The following CDH22 variants were observed in gnomAD, a reference collection of about 807,000 sequenced individuals.
CDH22 encodes cadherin-22.
In CDH22, 30 loss-of-function variants were observed where a neutral mutation model predicts 58.4. The ratio of observed to expected loss-of-function variants is 0.51; its 90% confidence interval spans 0.38 to 0.70. The LOEUF is 0.70. Among genes scored for constraint, CDH22 ranks in the 30% least tolerant of loss-of-function variants. The pLI is 0.00. For missense variants in CDH22, 1,014 were observed against 1,233.9 expected, an observed-to-expected ratio of 0.82 and a Z score of 2.67; for synonymous variants, 513 against 558.2, an observed-to-expected ratio of 0.92 and a Z score of 1.14.
intron 7 of CDH22, among the ~76,000 whole-genome samples, chr20:46,200,808 G>A (rs1157471777): frequency 1.3e-5 from 2 of 152,164 alleles, no homozygotes; most frequent in Non-Finnish European, 2.9e-5. Flanking sequence ...GGGAGCCAAC[G>A]GGGAATTTTG....
intron 2 of CDH22, among the ~76,000 whole-genome samples, chr20:46,245,455 T>A (rs1434930518): frequency 6.6e-6 from 1 of 152,198 alleles, no homozygotes; most frequent in Non-Finnish European, 1.5e-5. Flanking sequence ...GGTTTGTCTC[T>A]GTCAGAACTC....
intron 1 of CDH22, among the ~76,000 whole-genome samples, chr20:46,286,260 T>G (rs2086576400): frequency 6.6e-6 from 1 of 152,094 alleles, no homozygotes; most frequent in Non-Finnish European, 1.5e-5. Context: ...TCAAGCTGGA[T>G]TTGAACCCAG....
At chr20:46,248,392 G>T (rs140148467) in intron 2 of CDH22, among the ~76,000 whole-genome samples, 2,036 of 152,322 alleles carry the variant, frequency 0.013, 23 homozygotes, top group Middle Eastern at 0.034. Flanking sequence ...TGACATTTAG[G>T]CAGATGCATC....
chr20:46,268,086 G>T (rs191959967), intron 1 of CDH22, among the ~76,000 whole-genome samples: 5 of 152,258 alleles, frequency 3.3e-5, no homozygotes, highest in African/African-American at 7.2e-5. Context: ...CCCCTCACCC[G>T]CCTAAAGGCA....
Position 46,186,872 on chromosome 20 carries a change from G to A in CDH22, c.1499C>T (p.Ala500Val). The change falls in exon 9 of 12, where the codon GCC becomes GTC. Residue 500 changes from alanine (A) to valine (V), a missense_variant. Ala to Val is a moderately conservative substitution (Grantham distance 64, BLOSUM62 0). Around this residue, in one of 2 missense-constraint regions of CDH22, gnomAD observed 806 missense variants for 1,038.7 expected, o/e 0.78. Transcript: ENST00000537909. Reference protein sequence around the residue: ...LDVNDNPPELATPYEAAVCED... With the variant: ...LDVNDNPPELVTPYEAAVCED... ...GCATACAGCTGCCTCGTAGGGTGTGGCCAGTTCTGGGGGATTGTCGTTCAC... is the reference window on the plus strand; with the variant it reads ...GCATACAGCTGCCTCGTAGGGTGTGACCAGTTCTGGGGGATTGTCGTTCAC... 6.2e-7 allele frequency: 1 copy of A among 1,612,226 alleles called. No individual in the cohort carries two copies. Among genetic ancestry groups the A allele is most frequent in the Non-Finnish European group, 8.5e-7 (1 of 1,179,094 alleles).
At chr20:46,297,981 TCCC>T (rs2086636148) in intron 1 of CDH22, among the ~76,000 whole-genome samples, 4 of 151,992 alleles carry the variant, frequency 2.6e-5, no homozygotes, top group Non-Finnish European at 4.4e-5. Context: ...CAAGGCAAGA[TCCC>T]GACGCCCCCT....
At chr20:46,184,481 A>G (rs376862214) in intron 10 of CDH22, among the ~76,000 whole-genome samples, 1 of 152,162 alleles carries the variant, frequency 6.6e-6, no homozygotes, top group South Asian at 2.1e-4. Flanking sequence ...AGGGTTGAAC[A>G]AAGTCAAGTC....
Position 46,210,567 on chromosome 20 carries a change from G to T in CDH22, c.1033-7C>A. 1 of 1,426,856 alleles carries T rather than the reference G, an allele frequency of 7.0e-7. No homozygotes were observed. Among genetic ancestry groups the T allele is most frequent in the Non-Finnish European group, 9.2e-7 (1 of 1,087,182 alleles). 88.4% of individuals were successfully genotyped at this position (1,426,856 alleles called of 1,614,324 possible). A position where few individuals can be genotyped will look rare whatever the true frequency, so the allele number is the denominator to read the frequency against. On this transcript the variant is annotated splice_region_variant and splice_polypyrimidine_tract_variant and intron_variant, in intron 6 of 11. Transcript: ENST00000537909. The surrounding 1 kb of genome is among the most constrained non-coding windows in gnomAD (Gnocchi z 4.5). ...GGGATTCGAAGTCCAGGCGCTGCGG[G>T]AGGGAGCAGAGGGCCGGTTAGTGGG...
At chr20:46,213,906 A>G (rs1437737685) in intron 5 of CDH22, among the ~76,000 whole-genome samples, 1 of 152,176 alleles carries the variant, frequency 6.6e-6, no homozygotes, top group East Asian at 1.9e-4. Flanking sequence ...AAACAATCAC[A>G]TCAGTGAAAC....
At chr20:46,303,174 C>G (rs889963469) in intron 1 of CDH22, among the ~76,000 whole-genome samples, 3 of 152,240 alleles carry the variant, frequency 2.0e-5, no homozygotes, top group African/African-American at 7.2e-5. Context: ...ACTCCCACTC[C>G]CTGAACCCCA....
chr20:46,235,975 T>C (rs1212087834), intron 3 of CDH22, among the ~76,000 whole-genome samples: 4 of 152,178 alleles, frequency 2.6e-5, no homozygotes, highest in Admixed American at 2.6e-4. Flanking sequence ...GTGTGATCCA[T>C]TGTCTGAGGT....
chr20:46,197,471 G>A (rs1484606868), intron 8 of CDH22, among the ~76,000 whole-genome samples: 1 of 152,210 alleles, frequency 6.6e-6, no homozygotes, highest in Non-Finnish European at 1.5e-5. Flanking sequence ...TAACCCAAGA[G>A]GAGATTGTTG....
chr20:46,180,825 C>T (rs958271781), intron 10 of CDH22, among the ~76,000 whole-genome samples: 6 of 152,014 alleles, frequency 3.9e-5, no homozygotes, highest in Non-Finnish European at 5.9e-5. Flanking sequence ...CCTCGGTCTC[C>T]CAGGCTCAAG....
intron 8 of CDH22, among the ~76,000 whole-genome samples, chr20:46,190,623 T>C (rs1388349948): frequency 6.6e-6 from 1 of 152,246 alleles, no homozygotes; most frequent in Non-Finnish European, 1.5e-5. Flanking sequence ...GTAGCTGCAA[T>C]ATGTTGTGTC....
chr20:46,272,825 A>G (rs2086498512), intron 1 of CDH22, among the ~76,000 whole-genome samples: 1 of 152,146 alleles, frequency 6.6e-6, no homozygotes, highest in Non-Finnish European at 1.5e-5. Flanking sequence ...CTCATTATGC[A>G]TTGTTTTCTG....
At chr20:46,253,025 A>G (rs1480902325) in intron 1 of CDH22, among the ~76,000 whole-genome samples, 1 of 152,114 alleles carries the variant, frequency 6.6e-6, no homozygotes, top group Non-Finnish European at 1.5e-5. Context: ...GGGGAGTTAG[A>G]TTGTGAGCAG....
rs1429152837 is a variant in CDH22 at position 46,216,021 on chromosome 20, T to C, written c.838+805A>G. ...CTCTCAGCTAAGGGATTGGATTCCC[T>C]TATCTCTCGGGGGTCAGTCCCCTGT... On this transcript the variant is annotated intron_variant, in intron 5 of 11. Transcript: ENST00000537909. The surrounding 1 kb of genome is among the most constrained non-coding windows in gnomAD (Gnocchi z 5.3). Among the ~76,000 whole-genome samples the C allele has an allele frequency of 6.6e-6, 1 of 152,008 alleles. No homozygotes were observed. Among genetic ancestry groups the C allele is most frequent in the African/African-American group, 2.4e-5 (1 of 41,386 alleles).
intron 4 of CDH22, among the ~76,000 whole-genome samples, chr20:46,222,450 A>G (rs2086133747): frequency 6.6e-6 from 1 of 152,240 alleles, no homozygotes; most frequent in African/African-American, 2.4e-5. Context: ...TCTGGCACTT[A>G]GAAGGTGCTC....
In CDH22 at chr20:46,251,066, C is replaced by T; in HGVS notation, c.229G>A (p.Gly77Ser). Residue 77 changes from glycine to serine, a missense_variant, in exon 2 of 12, where the codon GGC becomes AGC. By Grantham distance (56) the Gly-to-Ser change is moderately conservative (BLOSUM62 0). Coordinates refer to ENST00000537909, the MANE Select transcript of CDH22 (RefSeq NM_021248.3). The surrounding 1 kb of genome is among the most constrained non-coding windows in gnomAD (Gnocchi z 6.7). ...TTGCCCACATACAGGGGCTCCGTGC[C>T]CGTGTACTCCTCTACCACGAAGAAC... is the stretch of plus-strand genomic sequence containing the variant. ...NQFFVVEEYT[G>S]TEPLYVGKIH... is the part of the protein sequence containing the mutation. The T allele has an allele frequency of 5.0e-6, 8 of 1,612,520 alleles. No individual in the cohort carries two copies. The highest frequency in any genetic ancestry group is 6.8e-6 in the Non-Finnish European group (8 of 1,179,094).
Sources: gnomAD v4.1 joint callset for allele counts (sites outside exome capture counted in the v4.1 genomes callset) on GRCh38, gnomAD v4.1.1 for gene constraint, gnomAD v4.1.1 regional missense constraint, Gnocchi (gnomAD v3.1) non-coding constraint, MANE v1.5 for transcripts, NCBI Gene and HGNC (gene_info 2026-07-23, HGNC 2026-07-21) for gene names.